Variants in KCNK18 observed in about 807,000 individuals in gnomAD.
KCNK18 encodes the protein potassium two pore domain channel subfamily K member 18.
A neutral mutation model predicts 11.8 loss-of-function variants in KCNK18; 8 were observed. The observed-to-expected ratio is 0.68, with a 90% CI of 0.40 to 1.22. The LOEUF is 1.22. KCNK18 is among the 50% of genes most tolerant of loss of function. KCNK18 has a pLI of 0.01. For missense variants in KCNK18, 442 were observed against 465.4 expected, an observed-to-expected ratio of 0.95 and a Z score of 0.46; for synonymous variants, 208 against 185.8, an observed-to-expected ratio of 1.12 and a Z score of -0.97.
At chr10:117,206,721 T>C (rs538194184) in intron 2 of KCNK18, among the ~76,000 whole-genome samples, 1 of 152,238 alleles carries the variant, frequency 6.6e-6, no homozygotes, top group Admixed American at 6.5e-5. Flanking sequence ...GGTGACACCT[T>C]GGTGAAAAGT....
intron 2 of KCNK18, among the ~76,000 whole-genome samples, chr10:117,207,898 A>C (rs1221733432): frequency 6.6e-6 from 1 of 152,230 alleles, no homozygotes; most frequent in Non-Finnish European, 1.5e-5. Context: ...AAAATTAAAC[A>C]CAGGCATTAA....
chr10:117,206,280 G>A (rs1855074905), intron 2 of KCNK18, among the ~76,000 whole-genome samples: 1 of 152,026 alleles, frequency 6.6e-6, no homozygotes, highest in South Asian at 2.1e-4. Context: ...GCAGCTTCTG[G>A]TGGCTGCCAG....
At chr10:117,204,206 G>A (rs1196089665) in intron 2 of KCNK18, among the ~76,000 whole-genome samples, 3 of 149,542 alleles carry the variant, frequency 2.0e-5, no homozygotes, top group Non-Finnish European at 4.4e-5. Context: ...AGACTGCAGT[G>A]AGCCATGATC....
Position 117,201,403 on chromosome 10 carries a change from CTCCCT to C in KCNK18, c.352+120_352+124del, listed in dbSNP as rs1855013012. The C allele has an allele frequency of 2.8e-6, 3 of 1,090,818 alleles. No homozygotes were observed. The South Asian group carries it at 3.8e-5, about 14-fold the overall frequency. 67.6% of individuals were successfully genotyped at this position (1,090,818 alleles called of 1,614,324 possible). A position where few individuals can be genotyped will look rare whatever the true frequency, so the allele number is the denominator to read the frequency against. ...GGCCCTCCTCTCCCTCTCTTCTTCC[CTCCCT>C]TCCTCAAATCTATATTGCACACCTA... is the stretch of plus-strand genomic sequence containing the variant. On this transcript the variant is annotated intron_variant, in intron 2 of 2. Coordinates refer to ENST00000334549, the MANE Select transcript of KCNK18 (RefSeq NM_181840.1).
chr10:117,209,444 G>A, intron 2 of KCNK18, 53 bp from the exon 3 acceptor site: 1 of 1,451,374 alleles, frequency 6.9e-7, no homozygotes, highest in Non-Finnish European at 9.7e-7. Context: ...AGCTTTTGGG[G>A]GGAAAAAGGG....
rs745559913 is a variant in KCNK18, at chr10:117,209,825, G to A, written c.681G>A (p.Leu227=). ...CACGCCCAAGCTGCAGCATGGAGCT[G>A]TTTGAGAGATCTCATGCGCTAGAGA... ...CPSRPSCSME[L]FERSHALEKQ... The change falls in exon 3 of 3, where the codon CTG becomes CTA. Residue 227 remains leucine (L), a synonymous_variant. Transcript: ENST00000334549. 3.7e-6 allele frequency: 6 copies of A among 1,614,188 alleles called. No individual in the cohort carries two copies. The South Asian group carries it at 6.6e-5, about 18-fold the overall frequency.
intron 2 of KCNK18, among the ~76,000 whole-genome samples, chr10:117,209,229 G>A (rs1429286469): frequency 2.0e-5 from 3 of 152,120 alleles, no homozygotes; most frequent in African/African-American, 7.2e-5. Flanking sequence ...CCAAACCTGT[G>A]CTGGTCCCCT....
rs568389309 is a variant in KCNK18, at chr10:117,209,686, G to A, written c.542G>A (p.Cys181Tyr). The change falls in exon 3 of 3, where the codon TGC (cysteine) becomes TAC (tyrosine). Residue 181 changes from cysteine to tyrosine, a missense_variant. Cys to Tyr is a radical substitution (Grantham distance 194). Transcript: ENST00000334549. ...ACCCGCCCCCTCCTCTCCAAGTGGT[G>A]CCCCAAATCTCTCTTCAAGAAAAAA... ...FFTRPLLSKW[C>Y]PKSLFKKKPD... The A allele has an allele frequency of 2.5e-6, 4 of 1,613,920 alleles. No homozygotes were observed. The highest frequency in any genetic ancestry group is 2.2e-5 in the South Asian group (2 of 91,064).
At position 117,204,098 on chromosome 10, in the gene KCNK18, C is replaced by T. The variant is rs543732547; in HGVS notation, c.352+2811C>T. On this transcript the variant is annotated intron_variant, in intron 2 of 2. Coordinates refer to ENST00000334549, the MANE Select transcript of KCNK18 (RefSeq NM_181840.1). ...GAAATACAATGAGACCTCATCTCTA[C>T]AAAAAATAAAAAAATCAGCTGGGCG... is the stretch of plus-strand genomic sequence containing the variant. 2.0e-5 allele frequency among the ~76,000 whole-genome samples: 3 copies of T among 151,694 alleles called. No homozygotes were observed. The East Asian group carries it at 5.8e-4, about 29-fold the overall frequency.
intron 2 of KCNK18, among the ~76,000 whole-genome samples, chr10:117,207,948 C>T (rs936265846): frequency 8.5e-5 from 13 of 152,178 alleles, no homozygotes; most frequent in East Asian, 1.9e-4. Flanking sequence ...GATGCTTGCC[C>T]GCTCCAGAAG....
Position 117,201,228 on chromosome 10 carries a change from C to CCA in KCNK18, c.299_300dup (p.Trp101ThrfsTer5), listed in dbSNP as rs1262485872. The CCA allele has an allele frequency of 6.2e-7, 1 of 1,614,144 alleles. No homozygotes were observed. Among genetic ancestry groups the CCA allele is most frequent in the East Asian group, 2.2e-5 (1 of 44,884 alleles). On this transcript the variant is annotated frameshift_variant, in exon 2 of 3. Transcript: ENST00000334549. LOFTEE classifies it high-confidence loss of function. ...GTGAAGCCTCAGTGGTTTAACAGGA[C>CCA]CACACACTGGTCCTTCCTGAGCTCG...
intron 2 of KCNK18, among the ~76,000 whole-genome samples, chr10:117,204,130 C>T (rs902245133): frequency 3.3e-5 from 5 of 152,036 alleles, no homozygotes; most frequent in African/African-American, 9.7e-5. Context: ...GGCGTGGTGA[C>T]GTGCACCTGT....
chr10:117,198,264 G>C (rs1854973283), intron 1 of KCNK18, among the ~76,000 whole-genome samples: 1 of 152,184 alleles, frequency 6.6e-6, no homozygotes, highest in Non-Finnish European at 1.5e-5. Flanking sequence ...AGCGGAGTGG[G>C]GAGGTGTTGT....
At chr10:117,204,635 T>C (rs1349724659) in intron 2 of KCNK18, among the ~76,000 whole-genome samples, 1 of 152,260 alleles carries the variant, frequency 6.6e-6, no homozygotes, top group East Asian at 1.9e-4. Context: ...GGAGCCATTC[T>C]AGACCTACTG....
chr10:117,197,795 C>T, intron 1 of KCNK18, 84 bp downstream of exon 1: 1 of 1,240,418 alleles, frequency 8.1e-7, no homozygotes, highest in Non-Finnish European at 1.2e-6. Flanking sequence ...TTCTAGGAGG[C>T]TGGGTCTGGG....
Position 117,210,262 on chromosome 10 carries a change from T to C in KCNK18, c.1118T>C (p.Phe373Ser), listed in dbSNP as rs750906382. The C allele has an allele frequency of 6.2e-7, 1 of 1,614,130 alleles. No homozygotes were observed. The highest frequency in any genetic ancestry group is 2.2e-5 in the East Asian group (1 of 44,890). Residue 373 changes from phenylalanine to serine, a missense_variant, in exon 3 of 3, where the codon TTT (phenylalanine) becomes TCT (serine). Coordinates refer to ENST00000334549, the MANE Select transcript of KCNK18 (RefSeq NM_181840.1). The part of the protein sequence containing the change: ...IDIYKNVMLF[F>S]AKGKFYHLVK... ...ATATACAAAAATGTTATGCTATTCT[T>C]TGCAAAAGGGAAGTTTTACCACCTT...
chr10:117,201,391 C>T (rs554386680), intron 2 of KCNK18, 104 bp downstream of exon 2: 2 of 1,185,398 alleles, frequency 1.7e-6, no homozygotes, highest in South Asian at 2.5e-5. Context: ...CCTCCTCTCC[C>T]TCTCTTCTTC....
chr10:117,202,886 C>CTTTTTTTTTTTT (rs201850637), intron 2 of KCNK18, among the ~76,000 whole-genome samples: 1 of 122,996 alleles, frequency 8.1e-6, no homozygotes, highest in African/African-American at 3.4e-5. Flanking sequence ...TGCCTGAATG[C>CTTTTTTTTTTTT]TTTTTTTTTT....
intron 1 of KCNK18, 89 bp from the exon 2 acceptor site, chr10:117,201,070 C>T (rs969402235): frequency 2.6e-6 from 4 of 1,530,762 alleles, no homozygotes; most frequent in South Asian, 1.1e-5. Flanking sequence ...GCTGCTGGTC[C>T]TTGGGGAAGA....
Sources: allele counts gnomAD v4.1 joint callset (sites outside exome capture counted in the v4.1 genomes callset), GRCh38; gene constraint gnomAD v4.1.1; transcripts MANE v1.5; gene names NCBI Gene and HGNC (gene_info 2026-07-23, HGNC 2026-07-21).